Variants in SOS1 observed in about 807,000 individuals in gnomAD.
SOS1 encodes the protein SOS Ras/Rac guanine nucleotide exchange factor 1.
In SOS1, 25 loss-of-function variants were observed where a neutral mutation model predicts 157.6. That is an observed-to-expected ratio of 0.16 (90% confidence interval 0.12 to 0.22). SOS1 has a LOEUF of 0.22. Ranked by LOEUF, SOS1 falls within the 10% of genes least tolerant of loss-of-function variation. The pLI is 1.00. For synonymous variants in SOS1, 528 were observed against 534.0 expected, an observed-to-expected ratio of 0.99 and a Z score of 0.16; for missense variants, 1,237 against 1,599.1, an observed-to-expected ratio of 0.77 and a Z score of 3.86.
intron 17 of SOS1, among the ~76,000 whole-genome samples, chr2:39,002,388 A>T (rs1669132233): frequency 6.6e-6 from 1 of 152,132 alleles, no homozygotes; most frequent in African/African-American, 2.4e-5. Flanking sequence ...AGGACTTTGG[A>T]CAGTTTCAGT....
At chr2:39,050,185 T>C (rs1339965009) in intron 6 of SOS1, among the ~76,000 whole-genome samples, 3 of 152,240 alleles carry the variant, frequency 2.0e-5, no homozygotes, top group Non-Finnish European at 4.4e-5. Flanking sequence ...CTCAATGCTG[T>C]ATCATAATGA....
intron 1 of SOS1, 138 bp from the exon 2 acceptor site, chr2:39,067,891 G>A (rs1256010129): frequency 2.7e-6 from 2 of 737,256 alleles, no homozygotes; most frequent in East Asian, 2.7e-5. Context: ...GGCCAAGGCG[G>A]GCAGATCACC....
At chr2:38,997,545 G>C (rs1433012319) in intron 17 of SOS1, 120 bp from the exon 18 acceptor site, 1 of 623,374 alleles carries the variant, frequency 1.6e-6, no homozygotes, top group Admixed American at 2.8e-5. Context: ...AAAGAACCAA[G>C]GCTCAGATTT....
At chr2:39,048,069 G>A (rs1297683801) in intron 6 of SOS1, among the ~76,000 whole-genome samples, 1 of 152,036 alleles carries the variant, frequency 6.6e-6, no homozygotes, top group African/African-American at 2.4e-5. Context: ...TATTAATTTT[G>A]TCTTTTGATG....
intron 15 of SOS1, 155 bp from the exon 16 acceptor site, chr2:39,007,348 A>C (rs979517064): frequency 1.6e-4 from 99 of 621,470 alleles, no homozygotes; most frequent in South Asian, 1.0e-3. Flanking sequence ...TGATAGAAGG[A>C]AGGCAGTGCC....
At chr2:39,121,101 C>T (rs566565146), upstream of SOS1, 56 of 153,934 alleles carry the variant, frequency 3.6e-4, no homozygotes, top group Middle Eastern at 6.6e-3. Flanking sequence ...TTCCGGCTCC[C>T]GGTGAAGGAG....
chr2:38,992,950 C>T (rs773307838), intron 20 of SOS1: 13 of 152,098 alleles, frequency 8.5e-5, no homozygotes, highest in Non-Finnish European at 1.5e-4. Context: ...TATCACATGA[C>T]TCCATGGCGG....
At chr2:39,059,897 T>C (rs151303766) in intron 2 of SOS1, among the ~76,000 whole-genome samples, 1 of 152,238 alleles carries the variant, frequency 6.6e-6, no homozygotes, top group African/African-American at 2.4e-5. Context: ...AGAAGCATGT[T>C]GAAAGAAATT....
intron 19 of SOS1, 44 bp downstream of exon 19, chr2:38,996,878 A>G (rs763978740): frequency 5.3e-6 from 5 of 943,188 alleles, no homozygotes; most frequent in African/African-American, 3.2e-5. Context: ...TATATAACAC[A>G]TATGGTAGTA....
intron 1 of SOS1, among the ~76,000 whole-genome samples, chr2:39,106,162 G>C (rs184853083): frequency 1.4e-5 from 2 of 145,622 alleles, no homozygotes; most frequent in Admixed American, 7.0e-5. Context: ...GGAGGCTGCA[G>C]TGAGCTGAGA....
In SOS1 at chr2:39,120,800, G is replaced by C. The variant is rs1281224488; in HGVS notation, c.-378C>G. Among the ~76,000 whole-genome samples the C allele has an allele frequency of 6.7e-6, 1 of 150,274 alleles. No individual in the cohort carries two copies. The highest frequency in any genetic ancestry group is 1.5e-5 in the Non-Finnish European group (1 of 67,444). On this transcript the variant is annotated 5_prime_UTR_variant, in exon 1 of 23. Transcript: ENST00000402219. ...GGGCCCGGTCTGGCCCCGCGGCGGAGCTGGCGGCTGGGGGAGGACGTGTGG... is the reference window on the plus strand; with the variant it reads ...GGGCCCGGTCTGGCCCCGCGGCGGACCTGGCGGCTGGGGGAGGACGTGTGG...
intron 1 of SOS1, among the ~76,000 whole-genome samples, chr2:39,070,400 C>A (rs926985483): frequency 1.3e-5 from 2 of 152,096 alleles, no homozygotes; most frequent in African/African-American, 4.8e-5. Flanking sequence ...TCCCTAATTT[C>A]CTTATTCCTT....
At chr2:39,059,559 T>C (rs2124612307) in intron 2 of SOS1, among the ~76,000 whole-genome samples, 1 of 152,330 alleles carries the variant, frequency 6.6e-6, no homozygotes, top group Admixed American at 6.5e-5. Flanking sequence ...TAGAGGTCGC[T>C]ATTACATAAC....
rs1668849810 is a variant in SOS1, at chr2:38,995,151, A to G, written c.3318T>C (p.Asp1106=). 6.2e-7 allele frequency: 1 copy of G among 1,613,958 alleles called. No individual in the cohort carries two copies. The highest frequency in any genetic ancestry group is 1.1e-5 in the South Asian group (1 of 91,084). The change falls in exon 20 of 23, where the codon GAT becomes GAC. Residue 1106 remains aspartate, a synonymous_variant. Coordinates refer to ENST00000402219, the MANE Select transcript of SOS1 (RefSeq NM_005633.4). ...SSTTDVCSVF[D]SDHSSPFHSS... is the part of the protein sequence containing the mutation. ...AGTGAAAAGGGCTCGAATGATCGGA[A>G]TCAAATACACTGCAAACATCTGTGG...
intron 15 of SOS1, among the ~76,000 whole-genome samples, chr2:39,008,618 GAAC>G (rs1345880332): frequency 6.6e-6 from 1 of 152,186 alleles, no homozygotes. Flanking sequence ...CCTGGGGTCA[GAAC>G]AAGTATCAAA....
chr2:39,042,087 A>G (rs1234269113), intron 6 of SOS1, among the ~76,000 whole-genome samples: 2 of 152,038 alleles, frequency 1.3e-5, no homozygotes, highest in South Asian at 2.1e-4. Context: ...TGTTACCTGC[A>G]CCAGTACTAC....
intron 11 of SOS1, among the ~76,000 whole-genome samples, chr2:39,014,243 C>T (rs1228677064): frequency 6.6e-6 from 1 of 151,944 alleles, no homozygotes; most frequent in Non-Finnish European, 1.5e-5. Flanking sequence ...AGAATACATG[C>T]AAATTCTAAA....
At chr2:39,104,573 C>A (rs544369532) in intron 1 of SOS1, among the ~76,000 whole-genome samples, 1 of 152,094 alleles carries the variant, frequency 6.6e-6, no homozygotes, top group Non-Finnish European at 1.5e-5. Context: ...CTAACCACAG[C>A]GAATTACAAA....
At chr2:39,030,625 A>G (rs1670128923) in intron 8 of SOS1, among the ~76,000 whole-genome samples, 1 of 152,164 alleles carries the variant, frequency 6.6e-6, no homozygotes, top group African/African-American at 2.4e-5. Flanking sequence ...CAATGTAGCC[A>G]GTGTATATGC....
Sources: gnomAD v4.1 joint callset for allele counts (sites outside exome capture counted in the v4.1 genomes callset) on GRCh38, gnomAD v4.1.1 for gene constraint, MANE v1.5 for transcripts, NCBI Gene and HGNC (gene_info 2026-07-23, HGNC 2026-07-21) for gene names.